The following NEBL variants were observed in gnomAD, a reference collection of about 807,000 sequenced individuals.
NEBL encodes the protein LIM and SH3 protein 2.
A neutral mutation model predicts 140.2 loss-of-function variants in NEBL; 122 were observed. The observed-to-expected ratio is 0.87, with a 90% CI of 0.75 to 1.01. NEBL has a LOEUF of 1.01. Among genes scored for constraint, NEBL ranks in the 50% least tolerant of loss-of-function variants. The pLI, the probability that NEBL is intolerant of heterozygous loss-of-function variation, is 0.00. For synonymous variants in NEBL, 436 were observed against 398.9 expected (o/e 1.09, Z -1.11); for missense variants, 1,365 against 1,231.3 (o/e 1.11, Z -1.62).
At chr10:20,943,580 A>G (rs1271355716) in intron 4 of NEBL, among the ~76,000 whole-genome samples, 3 of 152,180 alleles carry the variant, frequency 2.0e-5, no homozygotes, top group Middle Eastern at 3.2e-3. Context: ...CCTAAAAGTT[A>G]AAGTATAATA....
chr10:21,109,594 C>G (rs1393547904), intron 2 of NEBL, among the ~76,000 whole-genome samples: 1 of 152,050 alleles, frequency 6.6e-6, no homozygotes, highest in Non-Finnish European at 1.5e-5. Flanking sequence ...CTCTTTGTAT[C>G]TTTGGTAGAA....
intron 3 of NEBL, among the ~76,000 whole-genome samples, chr10:21,241,283 A>AATAAAT (rs1842436245): frequency 6.6e-6 from 1 of 151,500 alleles, no homozygotes; most frequent in Admixed American, 6.6e-5. Context: ...TAAATAAATA[A>AATAAAT]ATAAAAATAA....
At chr10:20,924,379 A>G (rs1833761399) in intron 4 of NEBL, among the ~76,000 whole-genome samples, 1 of 138,930 alleles carries the variant, frequency 7.2e-6, no homozygotes, top group South Asian at 2.4e-4. Flanking sequence ...ACAGATGTGT[A>G]TCAAATGCCT....
rs565834437 is a variant in NEBL, at chr10:21,290,271, T to G, written n.182+2559A>C. Among the ~76,000 whole-genome samples, 9 of 152,306 alleles carry G rather than the reference T, an allele frequency of 5.9e-5. No homozygotes were observed. The South Asian group carries it at 1.7e-3, about 28-fold the overall frequency. The stretch of plus-strand genomic sequence containing the variant: ...AAGAGAACCATCCTCCATCTCAATG[T>G]TGGGGCTCAGAGCACTGCAAAATAT... On this transcript the variant is annotated intron_variant and non_coding_transcript_variant, in intron 1 of 8. Coordinates refer to the NEBL transcript ENST00000675702.
chr10:21,226,980 A>G (rs1417827569), intron 3 of NEBL, among the ~76,000 whole-genome samples: 1 of 151,912 alleles, frequency 6.6e-6, no homozygotes, highest in African/African-American at 2.4e-5. Context: ...TTAATATTAC[A>G]TTTCCCCACT....
At chr10:20,789,686 A>G (rs1835752775) in intron 26 of NEBL, among the ~76,000 whole-genome samples, 1 of 152,054 alleles carries the variant, frequency 6.6e-6, no homozygotes, top group Non-Finnish European at 1.5e-5. Flanking sequence ...TGTCTCTACT[A>G]AAAATAAAAT....
intron 26 of NEBL, among the ~76,000 whole-genome samples, chr10:20,788,947 G>A (rs868500732): frequency 5.3e-5 from 8 of 152,116 alleles, no homozygotes; most frequent in Admixed American, 6.6e-5. Flanking sequence ...CAGTTAATGC[G>A]TGCACAGAGC....
chr10:20,824,025 A>G (rs1025137813), intron 18 of NEBL, among the ~76,000 whole-genome samples: 14 of 152,286 alleles, frequency 9.2e-5, no homozygotes, highest in African/African-American at 3.4e-4. Context: ...AAGATCAATC[A>G]GGCAAATGGT....
At chr10:21,098,984 A>G (rs1837341455) in intron 2 of NEBL, among the ~76,000 whole-genome samples, 1 of 152,086 alleles carries the variant, frequency 6.6e-6, no homozygotes, top group South Asian at 2.1e-4. Context: ...CAAAAAAAAA[A>G]TAGCTGGACA....
chr10:21,038,603 G>C (rs975007090), intron 2 of NEBL, among the ~76,000 whole-genome samples: 6 of 152,272 alleles, frequency 3.9e-5, no homozygotes, highest in Admixed American at 3.3e-4. Context: ...TCTTTATCCA[G>C]TCTATCATTG....
At chr10:21,071,227 T>A (rs964577916) in intron 2 of NEBL, among the ~76,000 whole-genome samples, 1 of 149,206 alleles carries the variant, frequency 6.7e-6, no homozygotes, top group Non-Finnish European at 1.5e-5. Flanking sequence ...TTAAATAATA[T>A]TATTATTATT....
At position 20,826,450 on chromosome 10, in the gene NEBL, A is replaced by C. The variant is rs781204469; in HGVS notation, c.1866T>G (p.Ser622Arg). The change falls in exon 18 of 28, where the codon AGT becomes AGG. Residue 622 changes from serine (S) to arginine (R), a missense_variant. Physicochemically the swap from Ser to Arg is moderately radical, Grantham distance 110. This residue lies in a region of NEBL where 1,323 missense variants were observed against 1,154.8 expected (regional missense o/e 1.15). Coordinates refer to ENST00000377122, the MANE Select transcript of NEBL (RefSeq NM_006393.3). ...ERVKKNQQNI[S>R]SVKYKEEIKH... is the part of the protein sequence containing the mutation. ...ATTAATGCTGTAGAGAACTTACTGA[A>C]CTAATATTCTGCTGATTTTTCTTCA... is the stretch of plus-strand genomic sequence containing the variant. 1 of 1,606,912 alleles carries C rather than the reference A, an allele frequency of 6.2e-7. No homozygotes were observed. The highest frequency in any genetic ancestry group is 1.1e-5 in the South Asian group (1 of 90,946).
intron 1 of NEBL, among the ~76,000 whole-genome samples, chr10:21,284,881 G>C (rs1420722235): frequency 6.6e-6 from 1 of 152,050 alleles, no homozygotes; most frequent in African/African-American, 2.4e-5. Context: ...CTGTTTTTGT[G>C]AACTGATTGT....
At chr10:21,049,630 A>G (rs1175198606) in intron 2 of NEBL, among the ~76,000 whole-genome samples, 1 of 152,090 alleles carries the variant, frequency 6.6e-6, no homozygotes, top group East Asian at 1.9e-4. Flanking sequence ...AGCCCTTTGA[A>G]TCTACACAGT....
intron 2 of NEBL, among the ~76,000 whole-genome samples, chr10:21,160,514 A>G (rs1462766598): frequency 6.6e-6 from 1 of 152,176 alleles, no homozygotes; most frequent in East Asian, 1.9e-4. Context: ...ACCCTTAATT[A>G]TCACGTGCCT....
intron 4 of NEBL, among the ~76,000 whole-genome samples, chr10:20,915,646 A>G (rs890507542): frequency 1.3e-5 from 2 of 151,724 alleles, no homozygotes; most frequent in Non-Finnish European, 2.9e-5. Context: ...TTCTTAATCC[A>G]GTCTATCATT....
intron 2 of NEBL, among the ~76,000 whole-genome samples, chr10:21,069,498 C>T (rs1466610271): frequency 6.6e-6 from 1 of 152,196 alleles, no homozygotes; most frequent in South Asian, 2.1e-4. Context: ...GACACCACAG[C>T]GCCCGCCAGG....
intron 14 of NEBL, among the ~76,000 whole-genome samples, chr10:20,833,816 G>A (rs1040520765): frequency 1.3e-5 from 2 of 152,158 alleles, no homozygotes; most frequent in African/African-American, 4.8e-5. Context: ...CAGAATTCTG[G>A]TTAGGAAGCT....
intron 3 of NEBL, among the ~76,000 whole-genome samples, chr10:21,195,559 G>T (rs191383311): frequency 6.6e-6 from 1 of 152,132 alleles, no homozygotes; most frequent in East Asian, 1.9e-4. Flanking sequence ...TCAATGACTG[G>T]CTAAATACTG....
Sources: gnomAD v4.1 joint callset for allele counts (sites outside exome capture counted in the v4.1 genomes callset) on GRCh38, gnomAD v4.1.1 for gene constraint, gnomAD v4.1.1 regional missense constraint, MANE v1.5 for transcripts, NCBI Gene and HGNC (gene_info 2026-07-23, HGNC 2026-07-21) for gene names.